RAPGEF5: variants seen among roughly 807,000 people sequenced by gnomAD.
The protein encoded by RAPGEF5 is Rap guanine nucleotide exchange factor 5, also known as M-Ras-regulated GEF.
A neutral mutation model predicts 125.2 loss-of-function variants in RAPGEF5; 65 were observed. The observed-to-expected ratio is 0.52, with a 90% CI of 0.43 to 0.64. The LOEUF is 0.64. Among genes scored for constraint, RAPGEF5 ranks in the 30% least tolerant of loss-of-function variants. RAPGEF5 has a pLI of 0.00. For missense variants in RAPGEF5, 958 were observed against 1,048.1 expected (o/e 0.91, Z 1.19); for synonymous variants, 391 against 385.9 (o/e 1.01, Z -0.16).
At chr7:22,169,441 A>C (rs1407178914) in intron 11 of RAPGEF5, among the ~76,000 whole-genome samples, 1 of 152,192 alleles carries the variant, frequency 6.6e-6, no homozygotes, top group Non-Finnish European at 1.5e-5. Flanking sequence ...ATATTTTGGA[A>C]ATACAATTTG....
At position 22,131,059 on chromosome 7, in the gene RAPGEF5, T is replaced by C. The variant is rs761551298; in HGVS notation, c.2459A>G (p.Asn820Ser). Residue 820 changes from asparagine to serine, a missense_variant, in exon 24 of 26, where the codon AAT (asparagine) becomes AGT (serine). Transcript: ENST00000665637. ...IHEGNKTFLD[N>S]LVNFEKLHMI... ...TACCAGCTTTTCAAAATTGACAAGA[T>C]TATCCAAAAAAGTTTTATTTCCTTC... 6.5e-7 allele frequency: 1 copy of C among 1,537,400 alleles called. No homozygotes were observed. The highest frequency in any genetic ancestry group is 1.2e-5 in the South Asian group (1 of 80,322).
chr7:22,145,833 C>T (rs1025184594), intron 19 of RAPGEF5, among the ~76,000 whole-genome samples: 1 of 152,068 alleles, frequency 6.6e-6, no homozygotes, highest in African/African-American at 2.4e-5. Flanking sequence ...CATTGTCAAA[C>T]CATAAAATGC....
chr7:22,190,502 T>G (rs1784959534), intron 11 of RAPGEF5, among the ~76,000 whole-genome samples: 1 of 152,352 alleles, frequency 6.6e-6, no homozygotes, highest in East Asian at 1.9e-4. Context: ...GATTTGCTGA[T>G]AGAATACTAT....
intron 11 of RAPGEF5, among the ~76,000 whole-genome samples, chr7:22,183,284 A>AAC (rs1357435212): frequency 9.3e-5 from 14 of 151,122 alleles, no homozygotes; most frequent in African/African-American, 3.4e-4. Flanking sequence ...AAAAAAAAAA[A>AAC]AAAAAAAAAA....
At chr7:22,265,280 C>G (rs1782256224) in intron 7 of RAPGEF5, among the ~76,000 whole-genome samples, 1 of 152,186 alleles carries the variant, frequency 6.6e-6, no homozygotes, top group Non-Finnish European at 1.5e-5. Context: ...TTGCCAGCCT[C>G]TAGCAACCAT....
chr7:22,219,869 T>C lies in RAPGEF5; in HGVS notation c.993A>G (p.Glu331=). ...CCCCAAGAGGCAAAAGGCTTACGTG[T>C]TCAGACTTCTCCTGTTCTTTTTTGT... ...QTDKKEQEKS[E]HQDDEVTTVQ... is the part of the protein sequence containing the mutation. The change falls in exon 9 of 26, where the codon GAA becomes GAG. Residue 331 remains glutamate (E), a synonymous_variant. Coordinates refer to ENST00000665637, the MANE Select transcript of RAPGEF5 (RefSeq NM_012294.5). The C allele has an allele frequency of 6.2e-7, 1 of 1,608,728 alleles. No individual in the cohort carries two copies. Among genetic ancestry groups the C allele is most frequent in the Non-Finnish European group, 8.5e-7 (1 of 1,176,128 alleles).
At chr7:22,257,338 T>C (rs1252800045) in intron 7 of RAPGEF5, among the ~76,000 whole-genome samples, 1 of 152,216 alleles carries the variant, frequency 6.6e-6, no homozygotes, top group Non-Finnish European at 1.5e-5. Flanking sequence ...GGAACTCTAC[T>C]TAATTAAGGC....
chr7:22,263,187 A>G (rs903421091), intron 7 of RAPGEF5, among the ~76,000 whole-genome samples: 1 of 152,218 alleles, frequency 6.6e-6, no homozygotes, highest in African/African-American at 2.4e-5. Context: ...CAGTGTAGCT[A>G]TAAAGGAGCA....
chr7:22,256,041 C>T (rs73069118), intron 7 of RAPGEF5, among the ~76,000 whole-genome samples: 45 of 152,204 alleles, frequency 3.0e-4, no homozygotes, highest in Non-Finnish European at 5.6e-4. Flanking sequence ...GGGGTGATCA[C>T]ATTACTCTTG....
intron 11 of RAPGEF5, among the ~76,000 whole-genome samples, chr7:22,172,685 A>G (rs1784386586): frequency 6.6e-6 from 1 of 152,204 alleles, no homozygotes; most frequent in Admixed American, 6.5e-5. Context: ...TCAAATTTTA[A>G]AAACTGATCC....
At position 22,147,008 on chromosome 7, in the gene RAPGEF5, T is replaced by A. The variant is rs774455785; in HGVS notation, c.1896A>T (p.Ala632=). Residue 632 remains alanine, a synonymous_variant, in exon 19 of 26, where the codon GCA becomes GCT. Coordinates refer to ENST00000665637, the MANE Select transcript of RAPGEF5 (RefSeq NM_012294.5). ...ACCTTTGCTGTGATTCCTCATTTTC[T>A]GCAAATGGGTTCTAAACCAACAGAA... The part of the protein sequence containing the change: ...KDLADTLNPF[A]ENEESQQRSM... The A allele has an allele frequency of 1.9e-6, 3 of 1,613,250 alleles. No individual in the cohort carries two copies. Among genetic ancestry groups the A allele is most frequent in the East Asian group, 2.2e-5 (1 of 44,890 alleles).
intron 7 of RAPGEF5, among the ~76,000 whole-genome samples, chr7:22,266,462 C>T (rs1213145231): frequency 6.6e-6 from 1 of 152,192 alleles, no homozygotes; most frequent in Non-Finnish European, 1.5e-5. Flanking sequence ...AGATTATATC[C>T]TATAGGTATG....
intron 11 of RAPGEF5, among the ~76,000 whole-genome samples, chr7:22,188,581 A>G (rs1340160933): frequency 6.6e-6 from 1 of 152,074 alleles, no homozygotes; most frequent in Non-Finnish European, 1.5e-5. Context: ...CCTGGCCAAC[A>G]TGGTGAAACC....
At chr7:22,138,206 G>A (rs1026244741) in intron 21 of RAPGEF5, among the ~76,000 whole-genome samples, 14 of 152,032 alleles carry the variant, frequency 9.2e-5, no homozygotes, top group Admixed American at 3.3e-4. Context: ...GTCCGAAGTC[G>A]AACTAAGTGA....
At chr7:22,342,381 A>G (rs1485605271) in intron 1 of RAPGEF5, among the ~76,000 whole-genome samples, 4 of 152,208 alleles carry the variant, frequency 2.6e-5, no homozygotes. Flanking sequence ...GGTCTCTGAC[A>G]CCTTGGACCT....
In RAPGEF5 at chr7:22,166,926, T is replaced by C. The variant is rs1391521766; in HGVS notation, c.1283+144A>G. On this transcript the variant is annotated intron_variant, in intron 12 of 25. Coordinates refer to ENST00000665637, the MANE Select transcript of RAPGEF5 (RefSeq NM_012294.5). The stretch of plus-strand genomic sequence containing the variant: ...CCCCTGTCTGTCTCATTTCATCTTC[T>C]ACCTTGGATATCATTACATTAATAT... 4.5e-6 allele frequency: 3 copies of C among 665,312 alleles called. No homozygotes were observed. In the Admixed American group the frequency reaches 8.4e-5, roughly 19 times the overall value. The allele number at this position is 665,312 out of a possible 1,614,324, so 41.2% of individuals were successfully genotyped here. A position where few individuals can be genotyped will look rare whatever the true frequency, so the allele number is the denominator to read the frequency against.
At chr7:22,288,398 C>A (rs781171506) in intron 6 of RAPGEF5, among the ~76,000 whole-genome samples, 9 of 152,128 alleles carry the variant, frequency 5.9e-5, no homozygotes, top group Non-Finnish European at 1.0e-4. Flanking sequence ...TACCTTACTG[C>A]ATAATTTACT....
chr7:22,313,035 A>G (rs941808846), intron 3 of RAPGEF5, among the ~76,000 whole-genome samples: 2 of 152,164 alleles, frequency 1.3e-5, no homozygotes, highest in Non-Finnish European at 2.9e-5. Flanking sequence ...TCAATCCAGA[A>G]ACTGCTCCAA....
intron 7 of RAPGEF5, among the ~76,000 whole-genome samples, chr7:22,239,824 C>A (rs1786279761): frequency 6.6e-6 from 1 of 152,148 alleles, no homozygotes; most frequent in Non-Finnish European, 1.5e-5. Flanking sequence ...AAATACTTAT[C>A]CCACTGGCTT....
Sources: gnomAD v4.1 joint callset for allele counts (sites outside exome capture counted in the v4.1 genomes callset) on GRCh38, gnomAD v4.1.1 for gene constraint, MANE v1.5 for transcripts, NCBI Gene and HGNC (gene_info 2026-07-23, HGNC 2026-07-21) for gene names.